The following FOXP1 variants were observed in gnomAD, a reference collection of about 807,000 sequenced individuals.
FOXP1 encodes the protein forkhead box protein P1.
A neutral mutation model predicts 98.2 loss-of-function variants in FOXP1; 15 were observed. The observed-to-expected ratio is 0.15, with a 90% confidence interval of 0.10 to 0.24. The LOEUF (loss-of-function observed/expected upper bound fraction) is 0.24. Ranked by LOEUF, FOXP1 falls within the 10% of genes least tolerant of loss-of-function variation. The pLI, the probability that FOXP1 is intolerant of heterozygous loss-of-function variation, is 1.00. For missense variants in FOXP1, 633 were observed against 848.5 expected (o/e 0.75, Z 3.15); for synonymous variants, 371 against 314.5 (o/e 1.18, Z -1.90).
intron 3 of FOXP1, among the ~76,000 whole-genome samples, chr3:71,383,223 A>G (rs1045856829): frequency 2.0e-5 from 3 of 152,248 alleles, no homozygotes; most frequent in African/African-American, 7.2e-5. Context: ...CTAGCTCTGC[A>G]TCAAACAGCA....
Position 71,013,436 on chromosome 3 carries a change from T to C in FOXP1, c.974+2113A>G, listed in dbSNP as rs145364031. Among the ~76,000 whole-genome samples, 196 of 152,192 alleles carry C rather than the reference T, an allele frequency of 1.3e-3. 2 individuals are homozygous for C. The highest frequency in any genetic ancestry group is 0.011 in the East Asian group (55 of 5,184). ...AGAATAAAATACCTAGGAACCCAACTTGCAAGGGAAGTGAAGGACCTCTTC... is the reference window on the plus strand; with the variant it reads ...AGAATAAAATACCTAGGAACCCAACCTGCAAGGGAAGTGAAGGACCTCTTC... On this transcript the variant is annotated intron_variant, in intron 12 of 20. Transcript: ENST00000649528.
At chr3:71,562,523 C>A (rs956708236) in intron 2 of FOXP1, among the ~76,000 whole-genome samples, 1 of 152,126 alleles carries the variant, frequency 6.6e-6, no homozygotes, top group African/African-American at 2.4e-5. Flanking sequence ...TGCCTTTAAC[C>A]AACAGAGTCA....
chr3:71,349,137 A>G (rs1433615660), intron 4 of FOXP1, among the ~76,000 whole-genome samples: 1 of 151,604 alleles, frequency 6.6e-6, no homozygotes, highest in Non-Finnish European at 1.5e-5. Context: ...CAATGCATCC[A>G]TCATATTTGT....
At chr3:71,105,116 A>G (rs2057315703) in intron 7 of FOXP1, among the ~76,000 whole-genome samples, 1 of 152,162 alleles carries the variant, frequency 6.6e-6, no homozygotes, top group Admixed American at 6.5e-5. Context: ...CACAGAAACC[A>G]CTATGGGTGG....
chr3:71,558,877 A>T (rs1214879660), intron 2 of FOXP1, among the ~76,000 whole-genome samples: 1 of 140,656 alleles, frequency 7.1e-6, no homozygotes. Flanking sequence ...ATCTTGGCTC[A>T]CTGCAACCTC....
chr3:71,428,343 G>A (rs950193564), intron 3 of FOXP1, among the ~76,000 whole-genome samples: 1 of 152,162 alleles, frequency 6.6e-6, no homozygotes, highest in African/African-American at 2.4e-5. Flanking sequence ...TCCCTTTTTG[G>A]TTTTAAAAAC....
intron 14 of FOXP1, among the ~76,000 whole-genome samples, chr3:70,983,188 G>A (rs1334201944): frequency 1.3e-5 from 2 of 151,924 alleles, no homozygotes; most frequent in Non-Finnish European, 2.9e-5. Flanking sequence ...CTGTTTTAGA[G>A]AAGCGAACTC....
intron 4 of FOXP1, among the ~76,000 whole-genome samples, chr3:71,306,514 T>A (rs2074284241): frequency 6.7e-6 from 1 of 149,680 alleles, no homozygotes; most frequent in African/African-American, 2.5e-5. Context: ...CCTACAAAGA[T>A]CTGTTTGATA....
At chr3:71,170,991 A>G (rs2061624880) in intron 6 of FOXP1, among the ~76,000 whole-genome samples, 1 of 152,154 alleles carries the variant, frequency 6.6e-6, no homozygotes, top group African/African-American at 2.4e-5. Flanking sequence ...CAAACCAGGA[A>G]GGCGGGCATG....
At chr3:71,027,846 A>G (rs1362738351) in intron 11 of FOXP1, among the ~76,000 whole-genome samples, 2 of 152,178 alleles carry the variant, frequency 1.3e-5, no homozygotes, top group Admixed American at 6.5e-5. Flanking sequence ...CACATTCAAC[A>G]CTTTTATACT....
upstream of FOXP1, chr3:71,583,786 C>T: frequency 2.0e-6 from 2 of 986,872 alleles, no homozygotes; most frequent in Non-Finnish European, 2.4e-6. Flanking sequence ...GACTAGCTTC[C>T]CGGAGCCCAG....
intron 2 of FOXP1, among the ~76,000 whole-genome samples, chr3:71,565,917 A>G (rs1265268571): frequency 1.3e-5 from 2 of 152,244 alleles, no homozygotes; most frequent in African/African-American, 2.4e-5. Flanking sequence ...AAAGGAGTAC[A>G]TGAGAGAAGA....
intron 6 of FOXP1, among the ~76,000 whole-genome samples, chr3:71,189,665 C>T (rs546146803): frequency 6.6e-6 from 1 of 152,276 alleles, no homozygotes; most frequent in East Asian, 1.9e-4. Flanking sequence ...TGGTAACTCC[C>T]ACTCCTTGGT....
At position 71,085,744 on chromosome 3, in the gene FOXP1, T is replaced by TTTTTTTTTTTTTTTTTTTTTTTTG; in HGVS notation, c.282+26791_282+26792insCAAAAAAAAAAAAAAAAAAAAAAA. On this transcript the variant is annotated intron_variant, in intron 7 of 20. Coordinates refer to ENST00000649528, the MANE Select transcript of FOXP1 (RefSeq NM_001349338.3). ...GGGTATCATTTATGGCCTTTTTTTTTTTTTTACATGGAGTCTCACTGTGTT... is the reference window on the plus strand; with the variant it reads ...GGGTATCATTTATGGCCTTTTTTTTTTTTTTTTTTTTTTTTTTTTTTTTGTTTTTACATGGAGTCTCACTGTGTT... 1.6e-5 allele frequency among the ~76,000 whole-genome samples: 2 copies of TTTTTTTTTTTTTTTTTTTTTTTTG among 122,796 alleles called. 1 individual carries two copies. Among genetic ancestry groups the TTTTTTTTTTTTTTTTTTTTTTTTG allele is most frequent in the Admixed American group, 1.8e-4 (2 of 11,406 alleles). The allele number at this position is 122,796 out of a possible 152,430, so 80.6% of individuals were successfully genotyped here. A position where few individuals can be genotyped will look rare whatever the true frequency, so the allele number is the denominator to read the frequency against.
chr3:70,985,061 C>CTT (rs752290210), intron 14 of FOXP1, among the ~76,000 whole-genome samples: 6 of 152,304 alleles, frequency 3.9e-5, no homozygotes, highest in Admixed American at 6.5e-5. Flanking sequence ...CATTCTATCA[C>CTT]TTAGTGACTA....
At chr3:71,394,392 A>G (rs535969532) in intron 3 of FOXP1, among the ~76,000 whole-genome samples, 55 of 152,214 alleles carry the variant, frequency 3.6e-4, no homozygotes, top group Non-Finnish European at 6.0e-4. Context: ...CCCAGACCTT[A>G]GAAGAAAAGG....
chr3:71,113,867 A>G (rs2058148962), intron 6 of FOXP1, among the ~76,000 whole-genome samples: 2 of 152,142 alleles, frequency 1.3e-5, no homozygotes, highest in Non-Finnish European at 2.9e-5. Flanking sequence ...ACACCTTTCC[A>G]AAGATGGCAC....
intron 17 of FOXP1, among the ~76,000 whole-genome samples, chr3:70,975,719 C>T (rs889645185): frequency 3.3e-5 from 5 of 152,052 alleles, no homozygotes; most frequent in Admixed American, 6.5e-5. Flanking sequence ...ACAAGAATTC[C>T]AGGTAGTAAA....
At chr3:70,963,091 G>C (rs377455900) in intron 20 of FOXP1, among the ~76,000 whole-genome samples, 9 of 152,188 alleles carry the variant, frequency 5.9e-5, no homozygotes, top group African/African-American at 1.7e-4. Flanking sequence ...AACAAAACAC[G>C]TTTTCCCCCT....
Sources: allele counts gnomAD v4.1 joint callset (sites outside exome capture counted in the v4.1 genomes callset), GRCh38; gene constraint gnomAD v4.1.1; transcripts MANE v1.5; gene names NCBI Gene and HGNC (gene_info 2026-07-23, HGNC 2026-07-21).